TMIGD3: variants seen among roughly 807,000 people sequenced by gnomAD.
The protein encoded by TMIGD3 is AD026 protein (AD026).
In TMIGD3, 21 loss-of-function variants were observed where a neutral mutation model predicts 28.1. The ratio of observed to expected loss-of-function variants is 0.75; its 90% confidence interval spans 0.53 to 1.08. The LOEUF (loss-of-function observed/expected upper bound fraction) is 1.08. Ranked by LOEUF, TMIGD3 falls within the 50% of genes least tolerant of loss-of-function variation. The probability of loss-of-function intolerance (pLI) is 0.00; values close to 1 mark genes in which losing one functional copy is unlikely to be tolerated. For synonymous variants in TMIGD3, 151 were observed against 162.1 expected (o/e 0.93, Z 0.52); for missense variants, 416 against 435.6 (o/e 0.96, Z 0.40).
intron 1 of TMIGD3, among the ~76,000 whole-genome samples, chr1:111,534,359 C>A (rs920230437): frequency 3.9e-5 from 6 of 152,142 alleles, no homozygotes; most frequent in Non-Finnish European, 7.3e-5. Context: ...CCCAAAACGA[C>A]AATCTTGGCA....
intron 1 of TMIGD3, among the ~76,000 whole-genome samples, chr1:111,498,579 G>A (rs1384477918): frequency 6.6e-6 from 1 of 152,186 alleles, no homozygotes; most frequent in African/African-American, 2.4e-5. Flanking sequence ...TCTGAGAATA[G>A]GTGGCAAGAA....
chr1:111,559,914 C>G (rs1657659687), intron 1 of TMIGD3, among the ~76,000 whole-genome samples: 1 of 152,186 alleles, frequency 6.6e-6, no homozygotes, highest in Non-Finnish European at 1.5e-5. Flanking sequence ...ATTTCTGCAA[C>G]TCTGAACAGT....
At chr1:111,554,631 C>T (rs966068847) in intron 1 of TMIGD3, among the ~76,000 whole-genome samples, 1 of 152,154 alleles carries the variant, frequency 6.6e-6, no homozygotes, top group Admixed American at 6.5e-5. Flanking sequence ...ACATATACCC[C>T]TCAAAGGAAT....
chr1:111,484,688 T>G (rs1181223629), intron 5 of TMIGD3, among the ~76,000 whole-genome samples: 9 of 152,240 alleles, frequency 5.9e-5, no homozygotes, highest in Non-Finnish European at 1.3e-4. Context: ...TTCAGATTCT[T>G]CTGGCTATGG....
chr1:111,499,800 G>A (rs1211454695), intron 1 of TMIGD3: 23 of 1,477,510 alleles, frequency 1.6e-5, no homozygotes, highest in African/African-American at 2.8e-5. Context: ...TGGAGTGGGG[G>A]AGATATAATT....
intron 1 of TMIGD3, among the ~76,000 whole-genome samples, chr1:111,510,701 C>G (rs1296609893): frequency 6.6e-6 from 1 of 152,024 alleles, no homozygotes; most frequent in African/African-American, 2.4e-5. Flanking sequence ...TCATTTTTGG[C>G]AGTGTGCAAG....
At chr1:111,535,224 A>G (rs1656599340) in intron 1 of TMIGD3, among the ~76,000 whole-genome samples, 1 of 152,232 alleles carries the variant, frequency 6.6e-6, no homozygotes, top group Non-Finnish European at 1.5e-5. Context: ...TTATATCGAA[A>G]TGTATCCACC....
At chr1:111,502,885 C>A (rs1655313903) in intron 1 of TMIGD3, 120 bp downstream of exon 1, 1 of 1,254,706 alleles carries the variant, frequency 8.0e-7, no homozygotes, top group Non-Finnish European at 1.1e-6. Flanking sequence ...ACACTTATTG[C>A]CCTCTTTCAA....
At chr1:111,557,663 G>A (rs1657555597) in intron 1 of TMIGD3, among the ~76,000 whole-genome samples, 1 of 152,082 alleles carries the variant, frequency 6.6e-6, no homozygotes, top group Non-Finnish European at 1.5e-5. Context: ...CTGAGAAGTA[G>A]AATGATATCA....
In TMIGD3 at chr1:111,559,337, T is replaced by C. The variant is rs184680202; in HGVS notation, c.107+4509A>G. 4.7e-4 allele frequency among the ~76,000 whole-genome samples: 72 copies of C among 152,290 alleles called. 1 individual carries two copies. The highest frequency in any genetic ancestry group is 1.6e-3 in the African/African-American group (65 of 41,552). On this transcript the variant is annotated intron_variant, in intron 1 of 5. Coordinates refer to the TMIGD3 transcript ENST00000369717. ...GAAGGAATTTATTCATGCATTAAACTAATGTTTATTGAACACCCACTATTA... is the reference window on the plus strand; with the variant it reads ...GAAGGAATTTATTCATGCATTAAACCAATGTTTATTGAACACCCACTATTA...
At chr1:111,502,230 G>A (rs745637559) in intron 1 of TMIGD3, among the ~76,000 whole-genome samples, 230 of 17,136 alleles carry the variant, frequency 0.013, 35 homozygotes, top group African/African-American at 0.027. Context: ...TTATTATAAT[G>A]AATATATAGG....
At chr1:111,490,588 A>G in intron 2 of TMIGD3, 68 bp downstream of exon 2, 1 of 1,168,002 alleles carries the variant, frequency 8.6e-7, no homozygotes, top group Non-Finnish European at 1.3e-6. Flanking sequence ...GTAGGTGAGG[A>G]CTTCAGTGCA....
intron 1 of TMIGD3, among the ~76,000 whole-genome samples, chr1:111,519,351 G>A (rs1404859214): frequency 6.6e-6 from 1 of 152,196 alleles, no homozygotes; most frequent in African/African-American, 2.4e-5. Flanking sequence ...GAAGATCATG[G>A]TCTTGGGAAA....
At chr1:111,507,075 A>C (rs1655534413), upstream of TMIGD3, among the ~76,000 whole-genome samples, 1 of 144,462 alleles carries the variant, frequency 6.9e-6, no homozygotes, top group Non-Finnish European at 1.5e-5. Context: ...ACTGTAGTTA[A>C]CTGTGGTTCA....
intron 1 of TMIGD3, among the ~76,000 whole-genome samples, chr1:111,534,194 A>G (rs916012271): frequency 1.3e-5 from 2 of 152,178 alleles, no homozygotes. Flanking sequence ...ATATCACCTA[A>G]TGAACATATC....
chr1:111,551,766 GT>G (rs56257032), intron 1 of TMIGD3, among the ~76,000 whole-genome samples: 4 of 149,248 alleles, frequency 2.7e-5, no homozygotes, highest in South Asian at 2.1e-4. Context: ...GTTTTGTTTT[GT>G]TTTTTTGAGA....
At chr1:111,512,324 T>TGGGC (rs1197788845) in intron 1 of TMIGD3, among the ~76,000 whole-genome samples, 1 of 152,252 alleles carries the variant, frequency 6.6e-6, no homozygotes, top group African/African-American at 2.4e-5. Flanking sequence ...TGGCACGCAC[T>TGGGC]CTAGTGCCTC....
chr1:111,548,266 C>A (rs538363929), intron 1 of TMIGD3, among the ~76,000 whole-genome samples: 12 of 152,360 alleles, frequency 7.9e-5, no homozygotes, highest in Non-Finnish European at 1.3e-4. Flanking sequence ...AGCGACCCAC[C>A]CACCTCGGCC....
intron 1 of TMIGD3, among the ~76,000 whole-genome samples, chr1:111,536,840 C>G (rs535614117): frequency 6.6e-6 from 1 of 152,176 alleles, no homozygotes; most frequent in South Asian, 2.1e-4. Flanking sequence ...TCATTCATCC[C>G]CCAGGCCCAA....
Sources: allele counts gnomAD v4.1 joint callset (sites outside exome capture counted in the v4.1 genomes callset), GRCh38; gene constraint gnomAD v4.1.1; transcripts MANE v1.5; gene names NCBI Gene and HGNC (gene_info 2026-07-23, HGNC 2026-07-21).